The following SYNDIG1 variants were observed in gnomAD, a reference collection of about 807,000 sequenced individuals.
SYNDIG1 encodes the protein synapse differentiation-inducing gene protein 1.
SYNDIG1 carries 9 observed loss-of-function variants against 19.4 expected under a neutral mutation model. The observed-to-expected ratio is 0.46, with a 90% CI of 0.28 to 0.81. The LOEUF (loss-of-function observed/expected upper bound fraction) is 0.81. Among genes scored for constraint, SYNDIG1 ranks in the 30% least tolerant of loss-of-function variants. The probability of loss-of-function intolerance (pLI) is 0.12; values close to 1 mark genes in which losing one functional copy is unlikely to be tolerated. For missense variants in SYNDIG1, 311 were observed against 343.3 expected, an observed-to-expected ratio of 0.91 and a Z score of 0.74; for synonymous variants, 141 against 145.9, an observed-to-expected ratio of 0.97 and a Z score of 0.24.
intron 3 of SYNDIG1, among the ~76,000 whole-genome samples, chr20:24,662,510 C>A (rs536681435): frequency 1.3e-5 from 2 of 152,230 alleles, no homozygotes; most frequent in South Asian, 4.2e-4. Context: ...CCGATGGAGC[C>A]CAGCTGCTTC....
rs1211132362 is a variant in SYNDIG1, at chr20:24,607,359, TC to T, written c.618+22367del. Among the ~76,000 whole-genome samples, 146 of 83,836 alleles carry T rather than the reference TC, an allele frequency of 1.7e-3. 2 individuals are homozygous for T. Among genetic ancestry groups the T allele is most frequent in the African/African-American group, 5.8e-3 (136 of 23,454 alleles). 55.0% of individuals were successfully genotyped at this position (83,836 alleles called of 152,430 possible). A position where few individuals can be genotyped will look rare whatever the true frequency, so the allele number is the denominator to read the frequency against. The stretch of plus-strand genomic sequence containing the variant: ...CTGAGCAACAGAGCAAGACTCCGTC[TC>T]AAAAAAAAAAAAAAAAAAGAATAAA... On this transcript the variant is annotated intron_variant, in intron 3 of 3. Coordinates refer to ENST00000376862, the MANE Select transcript of SYNDIG1 (RefSeq NM_024893.3).
intron 1 of SYNDIG1, among the ~76,000 whole-genome samples, chr20:24,485,607 T>C (rs1026598941): frequency 3.9e-5 from 6 of 152,264 alleles, no homozygotes; most frequent in Non-Finnish European, 5.9e-5. Context: ...CTTCTTTTTT[T>C]CTTTATTTCG....
intron 1 of SYNDIG1, among the ~76,000 whole-genome samples, chr20:24,507,746 C>T (rs578117260): frequency 6.6e-6 from 1 of 152,366 alleles, no homozygotes; most frequent in East Asian, 1.9e-4. Context: ...GCTCCTCCTC[C>T]ATTTAACCAG....
intron 3 of SYNDIG1, among the ~76,000 whole-genome samples, chr20:24,592,287 C>T (rs1185496162): frequency 1.3e-5 from 2 of 152,156 alleles, no homozygotes; most frequent in Non-Finnish European, 2.9e-5. Flanking sequence ...TTAAGGGACA[C>T]GACACCATCA....
intron 1 of SYNDIG1, among the ~76,000 whole-genome samples, chr20:24,534,604 T>C (rs986116447): frequency 6.6e-6 from 1 of 152,198 alleles, no homozygotes; most frequent in Non-Finnish European, 1.5e-5. Context: ...GTGCCCTGTG[T>C]TTCTTCCTTC....
intron 2 of SYNDIG1, among the ~76,000 whole-genome samples, chr20:24,560,545 G>A (rs955566977): frequency 4.6e-5 from 7 of 151,358 alleles, no homozygotes; most frequent in Admixed American, 4.0e-4. Context: ...TTCTTACATT[G>A]AGTCATTGTC....
At chr20:24,499,431 A>G (rs561903449) in intron 1 of SYNDIG1, among the ~76,000 whole-genome samples, 5 of 152,298 alleles carry the variant, frequency 3.3e-5, no homozygotes, top group African/African-American at 1.2e-4. Flanking sequence ...TGGCACAGTT[A>G]TTTCTGGCAG....
intron 2 of SYNDIG1, among the ~76,000 whole-genome samples, chr20:24,548,434 G>A (rs1223374865): frequency 1.3e-5 from 2 of 152,196 alleles, no homozygotes; most frequent in African/African-American, 4.8e-5. Context: ...AGCTGTTGGA[G>A]GACACAGAAT....
intron 2 of SYNDIG1, among the ~76,000 whole-genome samples, chr20:24,569,276 C>T (rs1310067078): frequency 6.6e-6 from 1 of 152,170 alleles, no homozygotes; most frequent in Non-Finnish European, 1.5e-5. Context: ...GAGAGTGACT[C>T]GTGTGTCCAT....
intron 1 of SYNDIG1, among the ~76,000 whole-genome samples, chr20:24,536,184 C>T (rs1170274578): frequency 6.6e-6 from 1 of 152,154 alleles, no homozygotes; most frequent in African/African-American, 2.4e-5. Context: ...GTCATCCAGG[C>T]CTGAGCTGGG....
intron 2 of SYNDIG1, among the ~76,000 whole-genome samples, chr20:24,577,020 CAA>C (rs3082225): frequency 0.17 from 25,571 of 148,420 alleles, 2,842 homozygotes; most frequent in Admixed American, 0.31. Context: ...CCTCTTTCTA[CAA>C]AAAAAAAACT....
At chr20:24,494,879 G>T (rs148634251) in intron 1 of SYNDIG1, among the ~76,000 whole-genome samples, 68 of 152,316 alleles carry the variant, frequency 4.5e-4, no homozygotes, top group African/African-American at 1.6e-3. Flanking sequence ...CTGGCAGGGT[G>T]CAGGGCCTCC....
chr20:24,581,954 C>T (rs1470156318), intron 2 of SYNDIG1, among the ~76,000 whole-genome samples: 3 of 151,468 alleles, frequency 2.0e-5, no homozygotes, highest in East Asian at 1.9e-4. Context: ...CTCCCTGCTG[C>T]ACGTCCTCCC....
At chr20:24,494,615 C>A (rs1344802999) in intron 1 of SYNDIG1, among the ~76,000 whole-genome samples, 1 of 152,162 alleles carries the variant, frequency 6.6e-6, no homozygotes, top group African/African-American at 2.4e-5. Flanking sequence ...GAACAGACCC[C>A]CCCGGGAGAG....
intron 2 of SYNDIG1, among the ~76,000 whole-genome samples, chr20:24,560,583 C>T (rs6106905): frequency 0.068 from 10,234 of 151,224 alleles, 566 homozygotes; most frequent in African/African-American, 0.15. Context: ...TTATTAAATA[C>T]GGTTTTCTTT....
At chr20:24,556,606 T>A (rs1013036958) in intron 2 of SYNDIG1, among the ~76,000 whole-genome samples, 1 of 152,232 alleles carries the variant, frequency 6.6e-6, no homozygotes, top group Non-Finnish European at 1.5e-5. Context: ...TTGAAAATTC[T>A]TTTCTTTAAG....
At chr20:24,582,907 C>T (rs2058354155) in intron 2 of SYNDIG1, among the ~76,000 whole-genome samples, 1 of 152,228 alleles carries the variant, frequency 6.6e-6, no homozygotes, top group Non-Finnish European at 1.5e-5. Context: ...GCACTGTAGC[C>T]TGAGCAAGTT....
At chr20:24,656,413 C>T (rs1378549454) in intron 3 of SYNDIG1, among the ~76,000 whole-genome samples, 1 of 152,216 alleles carries the variant, frequency 6.6e-6, no homozygotes, top group Admixed American at 6.5e-5. Flanking sequence ...CTTCCTGTTC[C>T]TAAACGGCCT....
At chr20:24,609,525 G>A (rs1287520390) in intron 3 of SYNDIG1, among the ~76,000 whole-genome samples, 1 of 152,238 alleles carries the variant, frequency 6.6e-6, no homozygotes, top group Non-Finnish European at 1.5e-5. Context: ...AGCAGAGGAT[G>A]ATGAGTCCCT....
Sources: allele counts gnomAD v4.1 joint callset (sites outside exome capture counted in the v4.1 genomes callset), GRCh38; gene constraint gnomAD v4.1.1; transcripts MANE v1.5; gene names NCBI Gene and HGNC (gene_info 2026-07-23, HGNC 2026-07-21).